The following LARGE1 variants were observed in gnomAD, a reference collection of about 807,000 sequenced individuals.
The protein encoded by LARGE1 is xylosyl- and glucuronyltransferase LARGE1.
In LARGE1, 43 loss-of-function variants were observed where a neutral mutation model predicts 87.6. That is an observed-to-expected ratio of 0.49 (90% CI 0.38 to 0.63). The LOEUF is 0.63. Ranked by LOEUF, LARGE1 falls within the 30% of genes least tolerant of loss-of-function variation. The pLI, the probability that LARGE1 is intolerant of heterozygous loss-of-function variation, is 0.00. For synonymous variants in LARGE1, 434 were observed against 394.6 expected (o/e 1.10, Z -1.18); for missense variants, 802 against 1,000.2 (o/e 0.80, Z 2.67).
intron 6 of LARGE1, among the ~76,000 whole-genome samples, chr22:33,485,113 A>G (rs550598426): frequency 1.3e-5 from 2 of 151,150 alleles, no homozygotes; most frequent in East Asian, 3.9e-4. Flanking sequence ...GGGTTTTGCT[A>G]TGTTAGCCAG....
chr22:33,124,199 A>G, the LARGE1 span, among the ~76,000 whole-genome samples: 24 of 152,018 alleles, frequency 1.6e-4, no homozygotes, highest in South Asian at 4.8e-3. Context: ...AGGCAGGAGA[A>G]TCACTTGAGG....
chr22:33,418,636 G>C (rs1569146561), intron 7 of LARGE1, among the ~76,000 whole-genome samples: 3 of 152,150 alleles, frequency 2.0e-5, no homozygotes, highest in Non-Finnish European at 4.4e-5. Context: ...CAGAAGAGCG[G>C]TCCAGGCAAA....
At chr22:33,187,670 G>A (rs1923548892) in intron 11 of LARGE1, among the ~76,000 whole-genome samples, 2 of 152,032 alleles carry the variant, frequency 1.3e-5, no homozygotes, top group South Asian at 4.2e-4. Context: ...TATAATCCCA[G>A]CACTTTGGGA....
At chr22:33,325,730 G>A (rs1162010992) in intron 10 of LARGE1, among the ~76,000 whole-genome samples, 1 of 152,220 alleles carries the variant, frequency 6.6e-6, no homozygotes, top group Non-Finnish European at 1.5e-5. Context: ...TCCTTCTGAT[G>A]TCTTGGGGCA....
downstream of LARGE1, among the ~76,000 whole-genome samples, chr22:33,157,777 C>T (rs754275560): frequency 9.2e-5 from 14 of 152,074 alleles, no homozygotes; most frequent in Non-Finnish European, 5.9e-5. Flanking sequence ...TGATAGCAAT[C>T]AGATAAAAAT....
At chr22:33,775,825 C>G (rs2085216570) in intron 1 of LARGE1, among the ~76,000 whole-genome samples, 1 of 139,960 alleles carries the variant, frequency 7.1e-6, no homozygotes, top group African/African-American at 2.7e-5. Flanking sequence ...GCACTCCAGC[C>G]TGGGTGACAG....
chr22:33,092,157 C>T, the LARGE1 span, among the ~76,000 whole-genome samples: 2 of 152,282 alleles, frequency 1.3e-5, no homozygotes, highest in East Asian at 3.9e-4. Flanking sequence ...CTCAGCCTCC[C>T]AAAGTGCTGG....
At chr22:33,337,956 G>A (rs1938675067) in intron 9 of LARGE1, among the ~76,000 whole-genome samples, 155 bp from the exon 10 acceptor site, 1 of 152,140 alleles carries the variant, frequency 6.6e-6, no homozygotes. Context: ...TAAGGGTAGG[G>A]GCTCGGGGGC....
chr22:33,775,809 G>A (rs986846500), intron 1 of LARGE1, among the ~76,000 whole-genome samples: 6 of 145,284 alleles, frequency 4.1e-5, no homozygotes, highest in Admixed American at 2.8e-4. Flanking sequence ...CCGAGATCGC[G>A]CCACTGCACT....
At chr22:33,661,828 T>C (rs1275608971) in intron 2 of LARGE1, among the ~76,000 whole-genome samples, 1 of 152,062 alleles carries the variant, frequency 6.6e-6, no homozygotes, top group East Asian at 1.9e-4. Flanking sequence ...TGAACTATGG[T>C]GTTCTGCTGT....
chr22:33,704,465 A>T (rs926059064), intron 2 of LARGE1, among the ~76,000 whole-genome samples: 1 of 152,158 alleles, frequency 6.6e-6, no homozygotes, highest in African/African-American at 2.4e-5. Flanking sequence ...TAGGGCCAGA[A>T]GCTTTGTGAA....
At chr22:33,622,661 T>C (rs769072309) in intron 4 of LARGE1, among the ~76,000 whole-genome samples, 1 of 152,182 alleles carries the variant, frequency 6.6e-6, no homozygotes, top group Admixed American at 6.5e-5. Flanking sequence ...CCGCTGCCAC[T>C]GGAATCTCTC....
Position 33,842,276 on chromosome 22 carries a change from C to T in LARGE1, c.-83+77719G>A, listed in dbSNP as rs186361142. ...ATTCGCAACTCGAAAATGACACTTA[C>T]TATTCAGCTAGAGATTAGAATCTCA... On this transcript the variant is annotated intron_variant, in intron 1 of 14. Transcript: ENST00000397394. 9.9e-5 allele frequency among the ~76,000 whole-genome samples: 15 copies of T among 152,266 alleles called. No homozygotes were observed. The East Asian group carries it at 2.9e-3, about 29-fold the overall frequency.
At chr22:33,886,842 G>A (rs367919000) in intron 1 of LARGE1, among the ~76,000 whole-genome samples, 76 of 152,252 alleles carry the variant, frequency 5.0e-4, no homozygotes, top group African/African-American at 1.8e-3. Context: ...ACAGTGGCAA[G>A]GAAAACGACA....
At chr22:33,791,735 G>A (rs2085830191) in intron 1 of LARGE1, among the ~76,000 whole-genome samples, 1 of 152,284 alleles carries the variant, frequency 6.6e-6, no homozygotes, top group East Asian at 1.9e-4. Flanking sequence ...CCAAGCCAAA[G>A]GCTTACTACT....
chr22:33,605,625 G>T (rs1203279749), intron 4 of LARGE1, among the ~76,000 whole-genome samples: 1 of 152,136 alleles, frequency 6.6e-6, no homozygotes, highest in Non-Finnish European at 1.5e-5. Flanking sequence ...TAGATACAAA[G>T]CAATACGTCA....
intron 7 of LARGE1, among the ~76,000 whole-genome samples, chr22:33,422,534 G>C (rs1157075267): frequency 2.0e-5 from 3 of 150,154 alleles, no homozygotes; most frequent in African/African-American, 7.4e-5. Context: ...TTTTGAGATG[G>C]AATCTTGCTC....
intron 2 of LARGE1, among the ~76,000 whole-genome samples, chr22:33,738,747 A>C (rs239329): frequency 0.25 from 37,935 of 151,392 alleles, 5,274 homozygotes; most frequent in East Asian, 0.45. Context: ...TGGGAGGCTG[A>C]GGCCAGAGAG....
At chr22:33,404,881 G>T (rs1028512484) in intron 7 of LARGE1, among the ~76,000 whole-genome samples, 3 of 150,274 alleles carry the variant, frequency 2.0e-5, no homozygotes, top group South Asian at 2.1e-4. Context: ...TCTGTTCAGT[G>T]GGGGGGAAGG....
Sources: gnomAD v4.1 joint callset for allele counts (sites outside exome capture counted in the v4.1 genomes callset) on GRCh38, gnomAD v4.1.1 for gene constraint, MANE v1.5 for transcripts, NCBI Gene and HGNC (gene_info 2026-07-23, HGNC 2026-07-21) for gene names.